COPG2: variants seen among roughly 807,000 people sequenced by gnomAD.
COPG2 encodes the protein coat protein complex I subunit gamma 2.
A neutral mutation model predicts 46.3 loss-of-function variants in COPG2; 37 were observed. The ratio of observed to expected loss-of-function variants is 0.80; its 90% CI spans 0.61 to 1.05. The LOEUF is 1.05. Among genes scored for constraint, COPG2 ranks in the 50% least tolerant of loss-of-function variants. The probability of loss-of-function intolerance (pLI) is 0.00; values close to 1 mark genes in which losing one functional copy is unlikely to be tolerated. For missense variants in COPG2, 427 were observed against 387.8 expected (o/e 1.10, Z -0.85); for synonymous variants, 159 against 129.7 (o/e 1.23, Z -1.53).
intron 5 of COPG2, among the ~76,000 whole-genome samples, chr7:130,647,010 TGTATATATATATATGTGTATA>T: frequency 7.3e-6 from 1 of 137,144 alleles, no homozygotes. Flanking sequence ...TATATATATA[TGTATATATATATATGTGTATA>T]TATATATTTA....
intron 9 of COPG2, among the ~76,000 whole-genome samples, chr7:130,576,024 T>A (rs192458123): frequency 6.6e-6 from 1 of 152,038 alleles, no homozygotes; most frequent in Non-Finnish European, 1.5e-5. Flanking sequence ...AATATCACAA[T>A]CCTAAACATA....
intron 20 of COPG2, among the ~76,000 whole-genome samples, chr7:130,520,365 AG>A (rs1352642456): frequency 3.9e-5 from 6 of 152,318 alleles, no homozygotes; most frequent in Middle Eastern, 3.4e-3. Flanking sequence ...GCTTGGTTGG[AG>A]GAAAAAAATG....
intron 4 of COPG2, among the ~76,000 whole-genome samples, chr7:130,653,861 A>C (rs1795798619): frequency 6.6e-6 from 1 of 152,212 alleles, no homozygotes; most frequent in Non-Finnish European, 1.5e-5. Context: ...AAAAAAACAC[A>C]CACAGAAAGC....
At chr7:130,659,974 T>C (rs913643231) in intron 4 of COPG2, among the ~76,000 whole-genome samples, 1 of 152,236 alleles carries the variant, frequency 6.6e-6, no homozygotes, top group Admixed American at 6.5e-5. Context: ...ATGCAAAGTA[T>C]TGATTACAGA....
intron 4 of COPG2, among the ~76,000 whole-genome samples, chr7:130,659,440 A>G (rs1354558622): frequency 5.3e-5 from 8 of 151,934 alleles, no homozygotes; most frequent in Non-Finnish European, 1.2e-4. Flanking sequence ...CTGTGTACAT[A>G]AACATTATGT....
At chr7:130,605,972 T>G (rs782151769) in intron 9 of COPG2, among the ~76,000 whole-genome samples, 1 of 152,156 alleles carries the variant, frequency 6.6e-6, no homozygotes, top group Non-Finnish European at 1.5e-5. Flanking sequence ...CTGACTGGAA[T>G]TAGGCACTGG....
intron 9 of COPG2, among the ~76,000 whole-genome samples, chr7:130,589,301 C>T (rs1266019057): frequency 6.7e-5 from 10 of 149,928 alleles, no homozygotes; most frequent in Admixed American, 6.0e-4. Context: ...TTTTAAGAGT[C>T]GGGTCTCACT....
intron 9 of COPG2, chr7:130,607,535 C>T (rs1247735538): frequency 1.4e-5 from 6 of 424,754 alleles, no homozygotes; most frequent in Non-Finnish European, 2.8e-5. Context: ...ACTTTATTTC[C>T]TCCATAGTGA....
At chr7:130,605,612 T>C (rs530035620) in intron 9 of COPG2, 5 of 433,452 alleles carry the variant, frequency 1.2e-5, no homozygotes, top group South Asian at 5.1e-5. Context: ...TGAGAAGGAA[T>C]ACAGGCAACC....
chr7:130,630,467 C>T (rs1795207874), intron 5 of COPG2, among the ~76,000 whole-genome samples: 1 of 152,142 alleles, frequency 6.6e-6, no homozygotes, highest in Non-Finnish European at 1.5e-5. Flanking sequence ...CACAAATTTT[C>T]TACATAGACA....
At chr7:130,668,055 A>G (rs1257765730) in intron 1 of COPG2, among the ~76,000 whole-genome samples, 3 of 152,032 alleles carry the variant, frequency 2.0e-5, no homozygotes, top group African/African-American at 7.2e-5. Flanking sequence ...CATCTTCCCC[A>G]TTTGCTCTGG....
At chr7:130,512,462 T>TA (rs1253656469) in intron 20 of COPG2, among the ~76,000 whole-genome samples, 2 of 151,380 alleles carry the variant, frequency 1.3e-5, no homozygotes, top group African/African-American at 2.4e-5. Flanking sequence ...AAGAGTGAAG[T>TA]AAAAAAGTCT....
chr7:130,526,008 G>A (rs928300123), intron 20 of COPG2, among the ~76,000 whole-genome samples: 1 of 140,370 alleles, frequency 7.1e-6, no homozygotes, highest in Non-Finnish European at 1.6e-5. Context: ...GATGGGCAGG[G>A]ATGCATCAGC....
intron 1 of COPG2, among the ~76,000 whole-genome samples, 194 bp downstream of exon 1, chr7:130,668,438 C>T (rs1477163047): frequency 1.3e-5 from 2 of 148,798 alleles, no homozygotes; most frequent in Non-Finnish European, 3.0e-5. Context: ...CGAAGGGAGG[C>T]TCCGGCGCCC....
intron 20 of COPG2, among the ~76,000 whole-genome samples, chr7:130,539,830 A>C (rs1799919066): frequency 6.6e-6 from 1 of 152,148 alleles, no homozygotes; most frequent in South Asian, 2.1e-4. Flanking sequence ...AGTTGGAGCG[A>C]GGTGAACGGG....
intron 20 of COPG2, among the ~76,000 whole-genome samples, chr7:130,525,363 C>CTT (rs1799763784): frequency 6.6e-6 from 1 of 152,102 alleles, no homozygotes; most frequent in African/African-American, 2.4e-5. Context: ...TGCAAGAGCC[C>CTT]AGGAATATGC....
chr7:130,604,789 A>G, intron 9 of COPG2: 2 of 498,842 alleles, frequency 4.0e-6, no homozygotes, highest in Non-Finnish European at 7.9e-6. Context: ...ACCAATAAGT[A>G]TAAAGTTTAG....
At chr7:130,621,729 G>C (rs1316192905) in intron 5 of COPG2, among the ~76,000 whole-genome samples, 2 of 151,958 alleles carry the variant, frequency 1.3e-5, no homozygotes, top group Non-Finnish European at 2.9e-5. Flanking sequence ...TGAATAACAA[G>C]GTCAGGAGTT....
chr7:130,617,890 C>CA (rs1794975942), intron 5 of COPG2, among the ~76,000 whole-genome samples: 1 of 151,908 alleles, frequency 6.6e-6, no homozygotes, highest in Admixed American at 6.6e-5. Context: ...TACTTGAGCT[C>CA]AGGAGTGCAA....
Sources: allele counts gnomAD v4.1 joint callset (sites outside exome capture counted in the v4.1 genomes callset), GRCh38; gene constraint gnomAD v4.1.1; transcripts MANE v1.5; gene names NCBI Gene and HGNC (gene_info 2026-07-23, HGNC 2026-07-21).